BCL3: variants seen among roughly 807,000 people sequenced by gnomAD.
BCL3 encodes BCL3 transcription coactivator, also known as B-cell lymphoma 3 protein.
In BCL3, 15 loss-of-function variants were observed where a neutral mutation model predicts 35.7. The observed-to-expected ratio is 0.42, with a 90% confidence interval of 0.28 to 0.65. The LOEUF (loss-of-function observed/expected upper bound fraction) is 0.65. Ranked by LOEUF, BCL3 falls within the 30% of genes least tolerant of loss-of-function variation. The pLI is 0.22. For missense variants in BCL3, 565 were observed against 641.7 expected (o/e 0.88, Z 1.29); for synonymous variants, 311 against 284.3 (o/e 1.09, Z -0.95).
At chr19:44,752,651 C>G (rs181612521) in intron 2 of BCL3, among the ~76,000 whole-genome samples, 30 of 152,330 alleles carry the variant, frequency 2.0e-4, no homozygotes, top group Middle Eastern at 6.8e-3. Flanking sequence ...GTTTGTGAGG[C>G]TGCTGAGAAG....
intron 6 of BCL3, 116 bp from the exon 7 acceptor site, chr19:44,758,130 C>A: frequency 2.7e-6 from 3 of 1,120,782 alleles, no homozygotes; most frequent in Non-Finnish European, 3.6e-6. Flanking sequence ...CTTCCTGTGA[C>A]CCCACCCCGA....
Position 44,760,039 on chromosome 19 carries a change from A to C in BCL3, c.*424A>C. On this transcript the variant is annotated 3_prime_UTR_variant, in exon 9 of 9. Coordinates refer to ENST00000164227, the MANE Select transcript of BCL3 (RefSeq NM_005178.5). ...TTCTTTTGTAATAAACTATTTTTGT[A>C]CCATATCCCTTGGGTGCATGGGCCT... The C allele has an allele frequency of 4.2e-6, 1 of 238,990 alleles. No individual in the cohort carries two copies. The highest frequency in any genetic ancestry group is 8.1e-6 in the Non-Finnish European group (1 of 123,098). The allele number at this position is 238,990 out of a possible 1,614,324, so 14.8% of individuals were successfully genotyped here. A position where few individuals can be genotyped will look rare whatever the true frequency, so the allele number is the denominator to read the frequency against.
upstream of BCL3, chr19:44,747,950 C>G: frequency 8.0e-7 from 1 of 1,245,762 alleles, no homozygotes; most frequent in Non-Finnish European, 1.0e-6. Context: ...CCACCCCCAG[C>G]CCCTTTAGAC....
intron 3 of BCL3, among the ~76,000 whole-genome samples, chr19:44,756,668 T>G (rs1967293504): frequency 1.3e-5 from 2 of 150,938 alleles, no homozygotes. Flanking sequence ...GTCTGGACTC[T>G]AAGTAGCGAG....
intron 3 of BCL3, 62 bp from the exon 4 acceptor site, chr19:44,756,955 T>A: frequency 6.8e-7 from 1 of 1,461,588 alleles, no homozygotes. Context: ...TCAGAAAACC[T>A]GGGGGAGGCA....
Position 44,758,783 on chromosome 19 carries a change from C to T in BCL3, c.1119C>T (p.Pro373=), listed in dbSNP as rs1385651264. 4 of 1,608,818 alleles carry T rather than the reference C, an allele frequency of 2.5e-6. No individual in the cohort carries two copies. Among genetic ancestry groups the T allele is most frequent in the African/African-American group, 2.7e-5 (2 of 74,740 alleles). Reference sequence around the variant, plus strand: ...CTGCTTCCACCTCCCAGCCAGACCCCTCCCCTGACCGGAGCGCCAACACCT... The same window carrying T: ...CTGCTTCCACCTCCCAGCCAGACCCTTCCCCTGACCGGAGCGCCAACACCT... ...TRPASTSQPD[P]SPDRSANTSP... Residue 373 remains proline (P), a synonymous_variant, in exon 8 of 9, where the codon CCC becomes CCT. Coordinates refer to ENST00000164227, the MANE Select transcript of BCL3 (RefSeq NM_005178.5).
Position 44,757,865 on chromosome 19 carries a change from T to A in BCL3, c.891+142T>A. The stretch of plus-strand genomic sequence containing the variant: ...CGTCCAGCTCTGATCCTTTAAGGCC[T>A]AGTTTTCTCGACCCTCGGGCTCCAC... On this transcript the variant is annotated intron_variant, in intron 6 of 8. Transcript: ENST00000164227. The surrounding 1 kb of genome is among the most constrained non-coding windows in gnomAD (Gnocchi z 8.4). 1 of 809,440 alleles carries A rather than the reference T, an allele frequency of 1.2e-6. No homozygotes were observed. Among genetic ancestry groups the A allele is most frequent in the Non-Finnish European group, 1.9e-6 (1 of 517,954 alleles). 50.1% of individuals were successfully genotyped at this position (809,440 alleles called of 1,614,324 possible). A position where few individuals can be genotyped will look rare whatever the true frequency, so the allele number is the denominator to read the frequency against.
At chr19:44,759,238 A>T (rs1967371124) in intron 8 of BCL3, among the ~76,000 whole-genome samples, 190 bp from the exon 9 acceptor site, 1 of 103,610 alleles carries the variant, frequency 9.7e-6, no homozygotes, top group African/African-American at 4.2e-5. Context: ...CTTCCTTCAG[A>T]CCCAGGAGTC....
At position 44,748,752 on chromosome 19, in the gene BCL3, G is replaced by T; in HGVS notation, c.-39G>T. ...GGCGAAACCACCCTCCCGTGCAGCC[G>T]AGCCCAGCCGCTCTCCGGCCGCCGT... On this transcript the variant is annotated 5_prime_UTR_variant, in exon 1 of 9. Coordinates refer to ENST00000164227, the MANE Select transcript of BCL3 (RefSeq NM_005178.5). 2.0e-5 allele frequency: 22 copies of T among 1,086,070 alleles called. No homozygotes were observed. The highest frequency in any genetic ancestry group is 2.3e-5 in the Non-Finnish European group (21 of 894,938). The allele number at this position is 1,086,070 out of a possible 1,614,324, so 67.3% of individuals were successfully genotyped here.
In BCL3 at chr19:44,758,736, C is replaced by T; in HGVS notation, c.1072C>T (p.Leu358=). ...VARSRRVIDI[L]RGKATRPAST... ...CATCTTCCTACAGGTCATCGACATC[C>T]TGAGGGGGAAGGCCACCCGGCCTGC... Residue 358 remains leucine (L), a synonymous_variant, in exon 8 of 9, where the codon CTG becomes TTG. Transcript: ENST00000164227. 1.2e-6 allele frequency: 2 copies of T among 1,601,408 alleles called. No individual in the cohort carries two copies. The highest frequency in any genetic ancestry group is 1.7e-6 in the Non-Finnish European group (2 of 1,174,692).
intron 8 of BCL3, 120 bp from the exon 9 acceptor site, chr19:44,759,308 C>A: frequency 1.5e-6 from 1 of 684,918 alleles, no homozygotes; most frequent in Non-Finnish European, 2.3e-6. Context: ...CCCCTCCTCC[C>A]TCAGACCCGA....
In BCL3 at chr19:44,748,942, C is replaced by T; in HGVS notation, c.152C>T (p.Ala51Val). ...GAGCCCGCCGCTCCCCGCGGCGCTG[C>T]GGGCCTTGTCGTCCCCCTGGACCCT... Reference protein sequence around the residue: ...SPEPAAPRGAAGLVVPLDPLR... With the variant: ...SPEPAAPRGAVGLVVPLDPLR... Residue 51 changes from alanine (A) to valine (V), a missense_variant, in exon 1 of 9, where the codon GCG (alanine) becomes GTG (valine). Physicochemically the swap from Ala to Val is moderately conservative, Grantham distance 64. Transcript: ENST00000164227. 1 of 1,235,418 alleles carries T rather than the reference C, an allele frequency of 8.1e-7. No homozygotes were observed. The highest frequency in any genetic ancestry group is 1.0e-6 in the Non-Finnish European group (1 of 985,552). The allele number at this position is 1,235,418 out of a possible 1,614,324, so 76.5% of individuals were successfully genotyped here. A position where few individuals can be genotyped will look rare whatever the true frequency, so the allele number is the denominator to read the frequency against.
At chr19:44,749,093 A>C (rs1967126101) in intron 1 of BCL3, 47 bp downstream of exon 1, 2 of 1,088,508 alleles carry the variant, frequency 1.8e-6, no homozygotes, top group South Asian at 4.7e-5. Context: ...CACACAGAGC[A>C]TAGGGTCACC....
At position 44,751,139 on chromosome 19, in the gene BCL3, C is replaced by T. The variant is rs572572796; in HGVS notation, c.257-88C>T. ...CCAGGAGAAAGGGCAGGTGACACCA[C>T]AGGAGCAAAGTTTTAGAAGTGGGGG... On this transcript the variant is annotated intron_variant, in intron 1 of 8. Coordinates refer to ENST00000164227, the MANE Select transcript of BCL3 (RefSeq NM_005178.5). The T allele has an allele frequency of 6.6e-6, 10 of 1,511,984 alleles. No homozygotes were observed. The South Asian group carries it at 7.6e-5, about 11-fold the overall frequency. The allele number at this position is 1,511,984 out of a possible 1,614,324, so 93.7% of individuals were successfully genotyped here. A position where few individuals can be genotyped will look rare whatever the true frequency, so the allele number is the denominator to read the frequency against.
At chr19:44,750,652 C>G (rs911911900) in intron 1 of BCL3, among the ~76,000 whole-genome samples, 2 of 152,084 alleles carry the variant, frequency 1.3e-5, no homozygotes, top group African/African-American at 4.8e-5. Context: ...GCGTGGTGGT[C>G]AGCATCTGTA....
intron 2 of BCL3, among the ~76,000 whole-genome samples, chr19:44,754,865 C>T (rs892411434): frequency 6.6e-6 from 1 of 152,282 alleles, no homozygotes; most frequent in Non-Finnish European, 1.5e-5. Context: ...GAAAGGCCCC[C>T]ATGGCTTTGC....
rs758946021 is a variant in BCL3, at chr19:44,757,696, C to T, written c.864C>T (p.Ser288=). The T allele has an allele frequency of 1.9e-6, 3 of 1,613,936 alleles. No individual in the cohort carries two copies. Among genetic ancestry groups the T allele is most frequent in the Non-Finnish European group, 2.5e-6 (3 of 1,179,914 alleles). The change falls in exon 6 of 9, where the codon AGC becomes AGT. Residue 288 remains serine, a synonymous_variant. Coordinates refer to ENST00000164227, the MANE Select transcript of BCL3 (RefSeq NM_005178.5). This position sits in a 1 kb window ranked among gnomAD's most constrained non-coding sequence, Gnocchi z 8.4. The part of the protein sequence containing the change: ...SPLIHAVENN[S]LSMVQLLLQH... ...TCATCCACGCCGTGGAAAACAACAG[C>T]CTTAGCATGGTGCAGCTGCTGCTGC... is the stretch of plus-strand genomic sequence containing the variant.
chr19:44,758,733 A>C lies in BCL3; in HGVS notation c.1069A>C (p.Ile357Leu), dbSNP rs763353074. 6.3e-7 allele frequency: 1 copy of C among 1,599,904 alleles called. No homozygotes were observed. Among genetic ancestry groups the C allele is most frequent in the Non-Finnish European group, 8.5e-7 (1 of 1,174,010 alleles). Reference sequence around the variant, plus strand: ...GCCCATCTTCCTACAGGTCATCGACATCCTGAGGGGGAAGGCCACCCGGCC... The same window carrying C: ...GCCCATCTTCCTACAGGTCATCGACCTCCTGAGGGGGAAGGCCACCCGGCC... ...MVARSRRVID[I>L]LRGKATRPAS... The change falls in exon 8 of 9, where the codon ATC becomes CTC. Residue 357 changes from isoleucine to leucine, a missense_variant. By Grantham distance (5) the Ile-to-Leu change is conservative. Coordinates refer to ENST00000164227, the MANE Select transcript of BCL3 (RefSeq NM_005178.5).
rs556691018 is a variant in BCL3, at chr19:44,757,845, A to G, written c.891+122A>G. On this transcript the variant is annotated intron_variant, in intron 6 of 8. Transcript: ENST00000164227. The surrounding 1 kb of genome is among the most constrained non-coding windows in gnomAD (Gnocchi z 8.4). The stretch of plus-strand genomic sequence containing the variant: ...TGGCTCCGGCTCCTGCTCCGCGTCC[A>G]GCTCTGATCCTTTAAGGCCTAGTTT... The G allele has an allele frequency of 2.1e-6, 2 of 946,826 alleles. No homozygotes were observed. The highest frequency in any genetic ancestry group is 4.8e-5 in the Admixed American group (2 of 41,822). 58.7% of individuals were successfully genotyped at this position (946,826 alleles called of 1,614,324 possible). A position where few individuals can be genotyped will look rare whatever the true frequency, so the allele number is the denominator to read the frequency against.
Sources: allele counts gnomAD v4.1 joint callset (sites outside exome capture counted in the v4.1 genomes callset), GRCh38; gene constraint gnomAD v4.1.1; non-coding constraint Gnocchi (gnomAD v3.1); transcripts MANE v1.5; gene names NCBI Gene and HGNC (gene_info 2026-07-23, HGNC 2026-07-21).